Variants in TMEM169 observed in about 807,000 individuals in gnomAD.
TMEM169 encodes transmembrane protein 169.
Under a neutral mutation model 27.3 loss-of-function variants are expected in TMEM169, and 18 were observed. The ratio of observed to expected loss-of-function variants is 0.66; its 90% CI spans 0.46 to 0.98. The LOEUF (loss-of-function observed/expected upper bound fraction) is 0.98, where lower values mean the gene tolerates loss of function less well. TMEM169 is among the 50% of genes least tolerant of loss of function. The pLI is 0.00. For synonymous variants in TMEM169, 136 were observed against 142.1 expected (o/e 0.96, Z 0.30); for missense variants, 320 against 368.6 (o/e 0.87, Z 1.08).
chr2:216,088,561 CACAGTTGCACATG>C (rs1696060103), intron 1 of TMEM169, among the ~76,000 whole-genome samples: 1 of 152,192 alleles, frequency 6.6e-6, no homozygotes, highest in Admixed American at 6.5e-5. Context: ...TGAAGCTGGG[CACAGTTGCACATG>C]ACTGTAGTCC....
rs139710216 is a variant in TMEM169, at chr2:216,083,415, A to C, written c.-127+1436A>C. ...TTCAGTTCTGAGGGGTATCTTATTC[A>C]AGAGAAGTCCAGACTTTCTTTCTTG... On this transcript the variant is annotated intron_variant, in intron 1 of 2. Transcript: ENST00000437356. 3.5e-3 allele frequency among the ~76,000 whole-genome samples: 535 copies of C among 152,292 alleles called. 5 individuals carry two copies. Among genetic ancestry groups the C allele is most frequent in the African/African-American group, 0.012 (509 of 41,550 alleles).
intron 1 of TMEM169, 171 bp downstream of exon 1, chr2:216,082,150 A>C (rs1225109034): frequency 1.2e-5 from 2 of 168,252 alleles, no homozygotes; most frequent in African/African-American, 4.8e-5. Flanking sequence ...TCTCCAGTGC[A>C]GCTGGAAAAA....
At chr2:216,091,556 C>CAAA (rs35975278) in intron 1 of TMEM169, among the ~76,000 whole-genome samples, 879 of 80,244 alleles carry the variant, frequency 0.011, 15 homozygotes, top group Non-Finnish European at 0.017. Flanking sequence ...GACTCCATCT[C>CAAA]AAAAAAAAAA....
Position 216,101,465 on chromosome 2 carries a change from G to GGTTTTGTTTT in TMEM169, c.*938_*947dup, listed in dbSNP as rs574840696. Reference sequence around the variant, plus strand: ...AAGAAAAAGGAAGAATGGTTATTTGGGTTTTGTTTTGTTTTGTTTTGTTTC... The same window carrying GGTTTTGTTTT: ...AAGAAAAAGGAAGAATGGTTATTTGGGTTTTGTTTTGTTTTGTTTTGTTTTGTTTTGTTTC... On this transcript the variant is annotated 3_prime_UTR_variant, in exon 3 of 3. Coordinates refer to ENST00000437356, the MANE Select transcript of TMEM169 (RefSeq NM_001142311.2). The GGTTTTGTTTT allele has an allele frequency of 1.3e-5, 2 of 152,194 alleles. No homozygotes were observed. 9.4% of individuals were successfully genotyped at this position (152,194 alleles called of 1,614,324 possible). A position where few individuals can be genotyped will look rare whatever the true frequency, so the allele number is the denominator to read the frequency against.
At chr2:216,090,500 A>G (rs1397443907) in intron 1 of TMEM169, among the ~76,000 whole-genome samples, 2 of 152,188 alleles carry the variant, frequency 1.3e-5, no homozygotes, top group African/African-American at 4.8e-5. Flanking sequence ...TGCAGCCCTG[A>G]CATCTTTAGA....
At chr2:216,093,125 A>AGTTGTGTGTGTGTGTGT (rs748583380) in intron 1 of TMEM169, among the ~76,000 whole-genome samples, 1 of 145,816 alleles carries the variant, frequency 6.9e-6, no homozygotes, top group African/African-American at 2.6e-5. Flanking sequence ...GTAATAATGA[A>AGTTGTGTGTGTGTGTGT]GTGTGTGTGT....
At chr2:216,098,628 A>T (rs1222126906) in intron 2 of TMEM169, among the ~76,000 whole-genome samples, 1 of 152,128 alleles carries the variant, frequency 6.6e-6, no homozygotes, top group Non-Finnish European at 1.5e-5. Flanking sequence ...CCCAAGGTCC[A>T]TGCCTGCCTA....
intron 1 of TMEM169, among the ~76,000 whole-genome samples, chr2:216,089,147 G>A (rs1696072653): frequency 6.6e-6 from 1 of 152,186 alleles, no homozygotes; most frequent in Admixed American, 6.5e-5. Flanking sequence ...CAGAAGGAAG[G>A]TTTGAGAGGT....
chr2:216,088,019 C>T (rs1271034959), intron 1 of TMEM169, among the ~76,000 whole-genome samples: 2 of 151,910 alleles, frequency 1.3e-5, no homozygotes, highest in Non-Finnish European at 2.9e-5. Context: ...ATTAATTGCA[C>T]ATGGTGGTGT....
chr2:216,084,854 C>G lies in TMEM169; in HGVS notation c.-127+2875C>G, dbSNP rs967061404. Among the ~76,000 whole-genome samples, 26 of 152,146 alleles carry G rather than the reference C, an allele frequency of 1.7e-4. 1 individual carries two copies. Among genetic ancestry groups the G allele is most frequent in the Admixed American group, 1.6e-3 (25 of 15,274 alleles). The stretch of plus-strand genomic sequence containing the variant: ...AAATACACAGCCAGTGTGATTGGAG[C>G]ATAGTACCCCTACTATGGTGGTACA... On this transcript the variant is annotated intron_variant, in intron 1 of 2. Coordinates refer to ENST00000437356, the MANE Select transcript of TMEM169 (RefSeq NM_001142311.2).
chr2:216,092,195 A>G (rs1420609743), intron 1 of TMEM169, among the ~76,000 whole-genome samples: 1 of 152,044 alleles, frequency 6.6e-6, no homozygotes, highest in Non-Finnish European at 1.5e-5. Context: ...GACCATGTTT[A>G]TCTTTTATAT....
intron 1 of TMEM169, among the ~76,000 whole-genome samples, chr2:216,095,223 G>T (rs904293527): frequency 6.7e-5 from 10 of 150,204 alleles, no homozygotes; most frequent in Non-Finnish European, 1.2e-4. Context: ...AAGTAGCTGG[G>T]ATTACAGGCA....
At position 216,090,098 on chromosome 2, in the gene TMEM169, T is replaced by C. The variant is rs551469478; in HGVS notation, c.-126-5740T>C. ...AAGGGCAGAAGATTGCAGGATGAAC[T>C]GGATATGAGTGGCTATAAACTATTT... On this transcript the variant is annotated intron_variant, in intron 1 of 2. Coordinates refer to ENST00000437356, the MANE Select transcript of TMEM169 (RefSeq NM_001142311.2). Among the ~76,000 whole-genome samples the C allele has an allele frequency of 2.2e-4, 33 of 152,298 alleles. 1 individual carries two copies. Among genetic ancestry groups the C allele is most frequent in the African/African-American group, 7.2e-4 (30 of 41,562 alleles).
intron 1 of TMEM169, 146 bp downstream of exon 1, chr2:216,082,125 T>C (rs1364971120): frequency 5.5e-6 from 1 of 180,966 alleles, no homozygotes; most frequent in African/African-American, 2.4e-5. Context: ...GCTCTCACGA[T>C]TAATTAAAAT....
In TMEM169 at chr2:216,100,406, G is replaced by A. The variant is rs777361974; in HGVS notation, c.758G>A (p.Cys253Tyr). The change falls in exon 3 of 3, where the codon TGT becomes TAT. Residue 253 changes from cysteine to tyrosine, a missense_variant. Cys to Tyr is a radical substitution (Grantham distance 194, BLOSUM62 -2). Transcript: ENST00000437356. ...GCCCGGGACATGGAGAAAGGCTTCT[G>A]TGGCTGGCTCTGCAGCAAGCTGGGT... ...QAARDMEKGF[C>Y]GWLCSKLGLE... 1 of 1,614,004 alleles carries A rather than the reference G, an allele frequency of 6.2e-7. No individual in the cohort carries two copies. The highest frequency in any genetic ancestry group is 1.3e-5 in the African/African-American group (1 of 74,974).
chr2:216,100,511 C>G lies in TMEM169; in HGVS notation c.863C>G (p.Pro288Arg), dbSNP rs758398610. ...TCAAGCACTCTCTCCAACAAGGACC[C>G]CATCCAAGAAGTAGAAACCTCCACG... ...NISSTLSNKD[P>R]IQEVETSTV Residue 288 changes from proline to arginine, a missense_variant, in exon 3 of 3, where the codon CCC becomes CGC. Coordinates refer to ENST00000437356, the MANE Select transcript of TMEM169 (RefSeq NM_001142311.2). The G allele has an allele frequency of 2.5e-6, 4 of 1,613,968 alleles. No homozygotes were observed. Among genetic ancestry groups the G allele is most frequent in the African/African-American group, 1.3e-5 (1 of 74,884 alleles).
chr2:216,091,617 C>T (rs564857725), intron 1 of TMEM169, among the ~76,000 whole-genome samples: 6 of 151,090 alleles, frequency 4.0e-5, no homozygotes, highest in East Asian at 1.9e-4. Context: ...CCTTCAGCCA[C>T]GTGAAAACAC....
intron 1 of TMEM169, among the ~76,000 whole-genome samples, chr2:216,087,334 G>C (rs577407266): frequency 9.2e-5 from 14 of 152,246 alleles, no homozygotes; most frequent in African/African-American, 2.9e-4. Context: ...GGTAAAAAAT[G>C]GTAGAGGAAT....
chr2:216,098,447 G>A (rs1696309128), intron 2 of TMEM169, among the ~76,000 whole-genome samples: 2 of 152,220 alleles, frequency 1.3e-5, no homozygotes, highest in South Asian at 2.1e-4. Context: ...GGAATGACAG[G>A]GAGGATAGAT....
Sources: gnomAD v4.1 joint callset for allele counts (sites outside exome capture counted in the v4.1 genomes callset) on GRCh38, gnomAD v4.1.1 for gene constraint, MANE v1.5 for transcripts, NCBI Gene and HGNC (gene_info 2026-07-23, HGNC 2026-07-21) for gene names.